The following PATJ variants were observed in gnomAD, a reference collection of about 807,000 sequenced individuals.
The protein encoded by PATJ is PATJ crumbs cell polarity complex component, also known as inaD-like protein.
PATJ carries 190 observed loss-of-function variants against 224.9 expected under a neutral mutation model. The observed-to-expected ratio is 0.84, with a 90% CI of 0.75 to 0.95. The LOEUF is 0.95. Among genes scored for constraint, PATJ ranks in the 40% least tolerant of loss-of-function variants. PATJ has a pLI of 0.00. For missense variants in PATJ, 2,121 were observed against 2,270.3 expected, an observed-to-expected ratio of 0.93 and a Z score of 1.34; for synonymous variants, 769 against 820.3, an observed-to-expected ratio of 0.94 and a Z score of 1.07.
intron 1 of PATJ, among the ~76,000 whole-genome samples, chr1:61,747,931 G>A (rs765272824): frequency 2.6e-5 from 4 of 152,130 alleles, no homozygotes; most frequent in Non-Finnish European, 5.9e-5. Flanking sequence ...TTTATTTTTT[G>A]AGACACAGTT....
At chr1:61,876,114 G>A (rs865974792) in intron 21 of PATJ, among the ~76,000 whole-genome samples, 7 of 152,108 alleles carry the variant, frequency 4.6e-5, no homozygotes, top group Non-Finnish European at 8.8e-5. Context: ...GGGAGAGAGG[G>A]CTGTAGAAAG....
chr1:62,010,903 A>G (rs1040890601), intron 28 of PATJ, among the ~76,000 whole-genome samples: 8 of 152,222 alleles, frequency 5.3e-5, no homozygotes, highest in African/African-American at 9.6e-5. Flanking sequence ...TGAAGTTTCT[A>G]CATCATCACT....
chr1:61,983,379 T>G (rs1336715035), intron 27 of PATJ, among the ~76,000 whole-genome samples: 1 of 152,108 alleles, frequency 6.6e-6, no homozygotes, highest in Non-Finnish European at 1.5e-5. Flanking sequence ...ATCTTTTTGC[T>G]TATCAAGTTT....
At chr1:61,804,882 TA>T (rs2148607362) in intron 12 of PATJ, among the ~76,000 whole-genome samples, 1 of 152,326 alleles carries the variant, frequency 6.6e-6, no homozygotes, top group East Asian at 1.9e-4. Context: ...CCAAAGTTTC[TA>T]TTGTATTAAA....
At chr1:61,770,672 T>A (rs923199989) in intron 5 of PATJ, among the ~76,000 whole-genome samples, 1 of 152,102 alleles carries the variant, frequency 6.6e-6, no homozygotes. Flanking sequence ...CCAAGCTCAG[T>A]GTCTCATGGC....
rs189221157 is a variant in PATJ, at chr1:62,018,208, G to A, written c.3959+261G>A. 6.6e-6 allele frequency among the ~76,000 whole-genome samples: 1 copy of A among 152,226 alleles called. No homozygotes were observed. The highest frequency in any genetic ancestry group is 6.5e-5 in the Admixed American group (1 of 15,280). Reference sequence around the variant, plus strand: ...GTTATAAAACATTCTTCCCTTTCTGGATCCATTTTTCCTGTATATAAATAT... The same window carrying A: ...GTTATAAAACATTCTTCCCTTTCTGAATCCATTTTTCCTGTATATAAATAT... On this transcript the variant is annotated intron_variant, in intron 29 of 43. Coordinates refer to ENST00000642238, the MANE Select transcript of PATJ (RefSeq NM_001350145.3). This position sits in a 1 kb window ranked among gnomAD's most constrained non-coding sequence, Gnocchi z 4.2.
In PATJ at chr1:61,908,396, G is replaced by T; in HGVS notation, c.3406G>T (p.Ala1136Ser). The change falls in exon 25 of 44, where the codon GCC (alanine) becomes TCC (serine). Residue 1136 changes from alanine (A) to serine (S), a missense_variant. By Grantham distance (99) the Ala-to-Ser change is moderately conservative (BLOSUM62 1). Coordinates refer to ENST00000642238, the MANE Select transcript of PATJ (RefSeq NM_001350145.3). ...LEVSGVDLQN[A>S]SHSEAVEAIK... ...GGTGTCTGGAGTAGATTTGCAGAAT[G>T]CCTCACACAGCGAAGCAGTTGAGGC... 1 of 1,613,646 alleles carries T rather than the reference G, an allele frequency of 6.2e-7. No individual in the cohort carries two copies. Among genetic ancestry groups the T allele is most frequent in the South Asian group, 1.1e-5 (1 of 91,058 alleles).
intron 27 of PATJ, among the ~76,000 whole-genome samples, chr1:61,972,922 A>G (rs1002095541): frequency 1.3e-5 from 2 of 151,826 alleles, no homozygotes; most frequent in African/African-American, 4.9e-5. Flanking sequence ...TTTTTTTCTG[A>G]TAGGCTGTGG....
At chr1:61,897,053 C>T (rs1418696712) in intron 22 of PATJ, among the ~76,000 whole-genome samples, 3 of 93,118 alleles carry the variant, frequency 3.2e-5, no homozygotes, top group Non-Finnish European at 5.3e-5. Flanking sequence ...TATTAAGGTA[C>T]TAGTAAATAA....
chr1:61,763,171 A>G lies in PATJ; in HGVS notation c.181A>G (p.Lys61Glu). 6.3e-7 allele frequency: 1 copy of G among 1,577,598 alleles called. No homozygotes were observed. The highest frequency in any genetic ancestry group is 8.6e-7 in the Non-Finnish European group (1 of 1,163,036). The change falls in exon 3 of 44, where the codon AAG becomes GAG. Residue 61 changes from lysine (K) to glutamate (E), a missense_variant. Transcript: ENST00000642238. ...LTLQQSIKQL[K>E]GQLNHIPSDC... is the part of the protein sequence containing the mutation. ...ACTTCAGCAGTCCATCAAGCAACTG[A>G]AGGGTCAAGTAAGTTACCCATCAGA...
intron 41 of PATJ, among the ~76,000 whole-genome samples, chr1:62,132,403 C>T (rs142237270): frequency 0.018 from 2,692 of 152,116 alleles, 77 homozygotes; most frequent in African/African-American, 0.061. Context: ...GAGGCTGAGG[C>T]GGGAGAATCG....
Position 61,881,497 on chromosome 1 carries a change from C to T in PATJ, c.2960-2740C>T, listed in dbSNP as rs369502159. ...CATGATGTCGGCTCTGTGCAACCTC[C>T]GCCTCCCAGGTTCAAGAGATTCTCG... On this transcript the variant is annotated intron_variant, in intron 21 of 43. Transcript: ENST00000642238. Among the ~76,000 whole-genome samples, 41 of 151,544 alleles carry T rather than the reference C, an allele frequency of 2.7e-4. No individual in the cohort carries two copies. The East Asian group carries it at 6.8e-3, about 25-fold the overall frequency.
chr1:61,841,213 T>A (rs965995038), intron 17 of PATJ, among the ~76,000 whole-genome samples: 2 of 152,152 alleles, frequency 1.3e-5, no homozygotes, highest in Non-Finnish European at 2.9e-5. Context: ...TTTACTTTTG[T>A]TTATTAGAGA....
chr1:62,042,961 T>C (rs568441000), intron 30 of PATJ, among the ~76,000 whole-genome samples: 1 of 152,294 alleles, frequency 6.6e-6, no homozygotes, highest in East Asian at 1.9e-4. Flanking sequence ...TGAGCTCTTA[T>C]TATGTGTCAA....
At chr1:62,081,009 A>G (rs1659208333) in intron 32 of PATJ, among the ~76,000 whole-genome samples, 1 of 152,190 alleles carries the variant, frequency 6.6e-6, no homozygotes, top group South Asian at 2.1e-4. Context: ...GTCCACAAAT[A>G]CAGGTTTATA....
intron 27 of PATJ, among the ~76,000 whole-genome samples, chr1:61,943,290 G>A (rs891902083): frequency 2.0e-5 from 3 of 152,276 alleles, no homozygotes; most frequent in Admixed American, 6.5e-5. Context: ...GGAGCAGGGC[G>A]GGGCATCGCC....
chr1:61,756,091 C>A (rs1328496910), intron 1 of PATJ, among the ~76,000 whole-genome samples: 2 of 152,290 alleles, frequency 1.3e-5, no homozygotes, highest in East Asian at 1.9e-4. Context: ...CCGCACCTGG[C>A]CACCAAGTTT....
intron 37 of PATJ, 58 bp from the exon 38 acceptor site, chr1:62,121,123 G>A: frequency 9.8e-7 from 1 of 1,022,968 alleles, no homozygotes; most frequent in Non-Finnish European, 1.5e-6. Context: ...GGATAAGTAT[G>A]CATTTAGGGG....
chr1:61,994,873 C>G (rs1645266934), intron 28 of PATJ, among the ~76,000 whole-genome samples: 1 of 152,112 alleles, frequency 6.6e-6, no homozygotes, highest in Non-Finnish European at 1.5e-5. Flanking sequence ...GATTCTTAAG[C>G]ATTTATAACC....
Sources: gnomAD v4.1 joint callset for allele counts (sites outside exome capture counted in the v4.1 genomes callset) on GRCh38, gnomAD v4.1.1 for gene constraint, Gnocchi (gnomAD v3.1) non-coding constraint, MANE v1.5 for transcripts, NCBI Gene and HGNC (gene_info 2026-07-23, HGNC 2026-07-21) for gene names.